The following PIGL variants were observed in gnomAD, a reference collection of about 807,000 sequenced individuals.
PIGL encodes N-acetylglucosaminyl-phosphatidylinositol de-N-acetylase.
Under a neutral mutation model 31.1 loss-of-function variants are expected in PIGL, and 22 were observed. The ratio of observed to expected loss-of-function variants is 0.71; its 90% CI spans 0.51 to 1.01. PIGL has a LOEUF of 1.01. Ranked by LOEUF, PIGL falls within the 50% of genes least tolerant of loss-of-function variation. The pLI, the probability that PIGL is intolerant of heterozygous loss-of-function variation, is 0.00. For missense variants in PIGL, 302 were observed against 315.9 expected, an observed-to-expected ratio of 0.96 and a Z score of 0.33; for synonymous variants, 131 against 117.4, an observed-to-expected ratio of 1.12 and a Z score of -0.75.
At chr17:16,251,491 T>G (rs2092771628) in intron 2 of PIGL, among the ~76,000 whole-genome samples, 1 of 151,710 alleles carries the variant, frequency 6.6e-6, no homozygotes, top group Admixed American at 6.6e-5. Flanking sequence ...GAATCAGCTC[T>G]ATTTTCCCCT....
At chr17:16,282,142 C>T (rs1456454941) in intron 2 of PIGL, 1 of 454,016 alleles carries the variant, frequency 2.2e-6, no homozygotes, top group African/African-American at 2.0e-5. Flanking sequence ...ACAGGGTCTT[C>T]CTGGGAATTA....
intron 2 of PIGL, among the ~76,000 whole-genome samples, chr17:16,270,425 AATTAATTATAAATT>A (rs199680878): frequency 0.048 from 7,308 of 151,996 alleles, 218 homozygotes; most frequent in African/African-American, 0.09. Flanking sequence ...GTGATCCAAC[AATTAATTATAAATT>A]ATTAATTATA....
chr17:16,220,476 TG>T lies in PIGL; in HGVS notation c.235+3016del, dbSNP rs148966480. 6.4e-5 allele frequency among the ~76,000 whole-genome samples: 6 copies of T among 94,164 alleles called. 2 individuals carry two copies. Among genetic ancestry groups the T allele is most frequent in the African/African-American group, 2.1e-4 (6 of 29,154 alleles). 61.8% of individuals were successfully genotyped at this position (94,164 alleles called of 152,430 possible). A position where few individuals can be genotyped will look rare whatever the true frequency, so the allele number is the denominator to read the frequency against. On this transcript the variant is annotated intron_variant, in intron 1 of 6. Transcript: ENST00000225609. The stretch of plus-strand genomic sequence containing the variant: ...ATTCTTTATTTGTGTTTTTTTAAAT[TG>T]TTATTTTTTTTTTTTTTTTTTTTTT...
chr17:16,300,071 C>T lies in PIGL; in HGVS notation c.426+93C>T, dbSNP rs551251993. 4 of 878,500 alleles carry T rather than the reference C, an allele frequency of 4.6e-6. No individual in the cohort carries two copies. In the East Asian group the frequency reaches 9.9e-5, roughly 22 times the overall value. The allele number at this position is 878,500 out of a possible 1,614,324, so 54.4% of individuals were successfully genotyped here. On this transcript the variant is annotated intron_variant, in intron 3 of 6. Transcript: ENST00000225609. ...AATTTTTTCTGTGGCCACCCTCCCACTTCCAGTCCTTCTCCAGGGCCACTC... is the reference window on the plus strand; with the variant it reads ...AATTTTTTCTGTGGCCACCCTCCCATTTCCAGTCCTTCTCCAGGGCCACTC...
At chr17:16,273,419 G>T (rs945509081) in intron 2 of PIGL, among the ~76,000 whole-genome samples, 3 of 152,196 alleles carry the variant, frequency 2.0e-5, no homozygotes, top group Admixed American at 6.5e-5. Flanking sequence ...TTATGGAATT[G>T]AAATGTCTTA....
chr17:16,272,730 T>G (rs1463951921), intron 2 of PIGL, among the ~76,000 whole-genome samples: 2 of 152,190 alleles, frequency 1.3e-5, no homozygotes, highest in Non-Finnish European at 2.9e-5. Flanking sequence ...CTCTGGCCAA[T>G]GCTGACCACT....
intron 2 of PIGL, among the ~76,000 whole-genome samples, chr17:16,244,704 T>G (rs2092736957): frequency 6.6e-6 from 1 of 152,164 alleles, no homozygotes; most frequent in Non-Finnish European, 1.5e-5. Flanking sequence ...AGACAGGGTC[T>G]CACTCTGTCA....
chr17:16,253,784 T>G (rs1358313316), intron 2 of PIGL, among the ~76,000 whole-genome samples: 4 of 152,042 alleles, frequency 2.6e-5, no homozygotes, highest in African/African-American at 9.6e-5. Context: ...CTATCCCTAC[T>G]AAAAATTAAA....
chr17:16,292,633 C>A (rs2092965851), intron 2 of PIGL, among the ~76,000 whole-genome samples: 3 of 152,164 alleles, frequency 2.0e-5, no homozygotes, highest in Admixed American at 2.0e-4. Context: ...TGGAAACAAC[C>A]TAAATAATTG....
At chr17:16,311,612 C>A (rs867198854) in intron 3 of PIGL, among the ~76,000 whole-genome samples, 1 of 148,406 alleles carries the variant, frequency 6.7e-6, no homozygotes, top group Non-Finnish European at 1.5e-5. Flanking sequence ...TGCGGCCTTC[C>A]GCAGTGTTTG....
At chr17:16,310,435 C>T (rs1374578164) in intron 3 of PIGL, among the ~76,000 whole-genome samples, 4 of 152,030 alleles carry the variant, frequency 2.6e-5, no homozygotes, top group African/African-American at 2.4e-5. Context: ...GCCTGAAATA[C>T]GATATTCCCT....
chr17:16,258,338 C>A (rs1157919492), intron 2 of PIGL, among the ~76,000 whole-genome samples: 1 of 150,588 alleles, frequency 6.6e-6, no homozygotes, highest in African/African-American at 2.4e-5. Flanking sequence ...TGCCACCACA[C>A]CTGGCTAATT....
At chr17:16,256,617 T>G (rs948738866) in intron 2 of PIGL, among the ~76,000 whole-genome samples, 9 of 152,270 alleles carry the variant, frequency 5.9e-5, no homozygotes, top group Admixed American at 5.9e-4. Flanking sequence ...CCCAAAGTGC[T>G]AGGATTACAG....
chr17:16,325,739 G>A, intron 6 of PIGL, 61 bp from the exon 7 acceptor site: 1 of 1,255,214 alleles, frequency 8.0e-7, no homozygotes, highest in Non-Finnish European at 1.2e-6. Context: ...GGCCAGATCT[G>A]AAAGTAATGA....
intron 2 of PIGL, among the ~76,000 whole-genome samples, chr17:16,287,793 T>C (rs1381094378): frequency 6.6e-6 from 1 of 152,212 alleles, no homozygotes; most frequent in Non-Finnish European, 1.5e-5. Context: ...GCATATTTCA[T>C]AAGCCACAAT....
intron 3 of PIGL, among the ~76,000 whole-genome samples, chr17:16,307,298 C>T (rs1185878085): frequency 6.6e-6 from 1 of 152,196 alleles, no homozygotes; most frequent in Non-Finnish European, 1.5e-5. Context: ...ACTGTCTCCA[C>T]TTCTTAGATT....
At chr17:16,321,258 T>TA (rs1600869844) in intron 6 of PIGL, among the ~76,000 whole-genome samples, 1 of 147,370 alleles carries the variant, frequency 6.8e-6, no homozygotes, top group African/African-American at 2.5e-5. Context: ...TTTTTTTTTT[T>TA]AGATGTAGTT....
At chr17:16,290,596 A>G (rs2092956374) in intron 2 of PIGL, among the ~76,000 whole-genome samples, 1 of 151,962 alleles carries the variant, frequency 6.6e-6, no homozygotes, top group Non-Finnish European at 1.5e-5. Flanking sequence ...TGTAGCTCAG[A>G]ATGGTCTTGA....
intron 2 of PIGL, among the ~76,000 whole-genome samples, chr17:16,244,845 T>C (rs1346610128): frequency 6.6e-6 from 1 of 152,022 alleles, no homozygotes; most frequent in African/African-American, 2.4e-5. Context: ...TAGCTAATTT[T>C]TTTGGTAATT....
Sources: gnomAD v4.1 joint callset for allele counts (sites outside exome capture counted in the v4.1 genomes callset) on GRCh38, gnomAD v4.1.1 for gene constraint, MANE v1.5 for transcripts, NCBI Gene and HGNC (gene_info 2026-07-23, HGNC 2026-07-21) for gene names.